Variants in MIPEP observed in about 807,000 individuals in gnomAD.
The protein encoded by MIPEP is mitochondrial intermediate peptidase.
Under a neutral mutation model 90.3 loss-of-function variants are expected in MIPEP, and 79 were observed. That is an observed-to-expected ratio of 0.87 (90% confidence interval 0.73 to 1.05). MIPEP has a LOEUF of 1.05. Ranked by LOEUF, MIPEP falls within the 50% of genes least tolerant of loss-of-function variation. The pLI is 0.00. For synonymous variants in MIPEP, 334 were observed against 315.8 expected (o/e 1.06, Z -0.61); for missense variants, 940 against 905.6 (o/e 1.04, Z -0.49).
intron 18 of MIPEP, among the ~76,000 whole-genome samples, chr13:23,752,916 A>G (rs1952455990): frequency 6.6e-6 from 1 of 152,188 alleles, no homozygotes; most frequent in Admixed American, 6.5e-5. Flanking sequence ...GATTAAAAAA[A>G]GGAGAAGCAG....
At chr13:23,735,311 T>C (rs7996190) in intron 18 of MIPEP, among the ~76,000 whole-genome samples, 151,240 of 152,274 alleles carry the variant, frequency 0.99, 75,126 homozygotes, top group Middle Eastern at 1. Flanking sequence ...CTTCTTCCTT[T>C]TCCCTTCCCT....
In MIPEP at chr13:23,809,912, T is replaced by A. The variant is rs930459228; in HGVS notation, c.1666A>T (p.Asn556Tyr). The A allele has an allele frequency of 3.3e-5, 54 of 1,613,116 alleles. No individual in the cohort carries two copies. Among genetic ancestry groups the A allele is most frequent in the Non-Finnish European group, 4.4e-5 (52 of 1,179,396 alleles). Residue 556 changes from asparagine (N) to tyrosine (Y), a missense_variant, in exon 15 of 19, where the codon AAT (asparagine) becomes TAT (tyrosine). Asn to Tyr is a moderately radical substitution (Grantham distance 143). Transcript: ENST00000382172. The part of the protein sequence containing the change: ...HYQTGQPLPK[N>Y]MVSRLCESKK... The stretch of plus-strand genomic sequence containing the variant: ...GATTCACAAAGACGAGACACCATAT[T>A]TTTTGGCAGTGGCTTGATAAAACAA...
chr13:23,860,273 C>T (rs1188399056), intron 9 of MIPEP, among the ~76,000 whole-genome samples: 4 of 152,106 alleles, frequency 2.6e-5, no homozygotes, highest in Admixed American at 6.5e-5. Flanking sequence ...AGCAGTTAAT[C>T]CAGATGAGAA....
intron 5 of MIPEP, among the ~76,000 whole-genome samples, chr13:23,873,787 T>C (rs1408735696): frequency 2.0e-5 from 3 of 152,108 alleles, no homozygotes; most frequent in Non-Finnish European, 4.4e-5. Flanking sequence ...TAATGAAGAA[T>C]TGATGTGGAA....
chr13:23,747,659 A>T (rs535833821), intron 18 of MIPEP: 1 of 409,950 alleles, frequency 2.4e-6, no homozygotes, highest in African/African-American at 2.1e-5. Context: ...AGCCTGTAAA[A>T]TATCCAAAAA....
intron 16 of MIPEP, among the ~76,000 whole-genome samples, chr13:23,794,068 GC>G (rs1284159038): frequency 2.0e-5 from 3 of 152,146 alleles, no homozygotes; most frequent in African/African-American, 7.2e-5. Flanking sequence ...TTCCTAGGAC[GC>G]TCATTAGGGG....
intron 18 of MIPEP, among the ~76,000 whole-genome samples, chr13:23,747,283 T>C (rs942585689): frequency 6.6e-6 from 1 of 152,220 alleles, no homozygotes; most frequent in African/African-American, 2.4e-5. Flanking sequence ...CCTTCCTGCA[T>C]GCTGCTTAAA....
At chr13:23,827,106 A>C (rs1365593400) in intron 14 of MIPEP, among the ~76,000 whole-genome samples, 1 of 152,230 alleles carries the variant, frequency 6.6e-6, no homozygotes, top group Non-Finnish European at 1.5e-5. Flanking sequence ...TGAGCATCCA[A>C]GGATTTTGGT....
At chr13:23,732,131 G>A (rs1370065432) in intron 18 of MIPEP, among the ~76,000 whole-genome samples, 1 of 151,858 alleles carries the variant, frequency 6.6e-6, no homozygotes, top group African/African-American at 2.4e-5. Context: ...TGGAACCACA[G>A]GTGTGTGCCA....
intron 18 of MIPEP, among the ~76,000 whole-genome samples, chr13:23,736,282 T>C (rs1026995188): frequency 6.6e-6 from 1 of 152,112 alleles, no homozygotes; most frequent in Non-Finnish European, 1.5e-5. Flanking sequence ...AAAGACAAAA[T>C]TGCATCAGGA....
chr13:23,752,909 T>TA (rs1245683447), intron 18 of MIPEP, among the ~76,000 whole-genome samples: 2 of 151,870 alleles, frequency 1.3e-5, no homozygotes, highest in East Asian at 3.9e-4. Context: ...CTTCAGAGAT[T>TA]AAAAAAAGGA....
chr13:23,836,118 A>G, intron 14 of MIPEP, 122 bp downstream of exon 14: 1 of 563,886 alleles, frequency 1.8e-6, no homozygotes, highest in Non-Finnish European at 3.1e-6. Context: ...AAGAAGCAAT[A>G]AAAGGTTTGT....
intron 1 of MIPEP, among the ~76,000 whole-genome samples, chr13:23,887,055 C>T (rs1279881720): frequency 6.6e-6 from 1 of 152,060 alleles, no homozygotes; most frequent in South Asian, 2.1e-4. Context: ...GGTGAGATCT[C>T]AGTACATAGT....
At chr13:23,885,008 T>C (rs1428170388) in intron 2 of MIPEP, among the ~76,000 whole-genome samples, 1 of 152,226 alleles carries the variant, frequency 6.6e-6, no homozygotes, top group African/African-American at 2.4e-5. Flanking sequence ...CTTCCATGTT[T>C]GCTGCAGCTC....
At position 23,839,744 on chromosome 13, in the gene MIPEP, A is replaced by C. The variant is rs751131032; in HGVS notation, c.1261-18T>G. The C allele has an allele frequency of 6.3e-7, 1 of 1,592,662 alleles. No homozygotes were observed. The highest frequency in any genetic ancestry group is 1.3e-5 in the African/African-American group (1 of 74,202). On this transcript the variant is annotated intron_variant, in intron 11 of 18. Transcript: ENST00000382172. ...ACAACAGCCTAGAAAAAAAAATTTA[A>C]ATTTGGTGGTAAATGAGGCCATCTG...
intron 16 of MIPEP, among the ~76,000 whole-genome samples, chr13:23,786,417 T>A (rs961298557): frequency 6.6e-6 from 1 of 152,150 alleles, no homozygotes; most frequent in Non-Finnish European, 1.5e-5. Flanking sequence ...GTCTAATAGA[T>A]TTAATTAAAG....
At chr13:23,835,111 C>G (rs1868976840) in intron 14 of MIPEP, among the ~76,000 whole-genome samples, 1 of 151,524 alleles carries the variant, frequency 6.6e-6, no homozygotes, top group Non-Finnish European at 1.5e-5. Context: ...ACCTCTGCCT[C>G]CCAGGTTCAA....
chr13:23,739,659 C>T (rs893341494), intron 18 of MIPEP, among the ~76,000 whole-genome samples: 1 of 152,134 alleles, frequency 6.6e-6, no homozygotes, highest in Non-Finnish European at 1.5e-5. Flanking sequence ...GTCTGACTCC[C>T]CATAGGCATG....
At chr13:23,741,664 T>C (rs1460450644) in intron 18 of MIPEP, among the ~76,000 whole-genome samples, 2 of 150,572 alleles carry the variant, frequency 1.3e-5, no homozygotes, top group East Asian at 2.0e-4. Flanking sequence ...CTGACGCCTA[T>C]GTGAGTGTGG....
Sources: gnomAD v4.1 joint callset for allele counts (sites outside exome capture counted in the v4.1 genomes callset) on GRCh38, gnomAD v4.1.1 for gene constraint, MANE v1.5 for transcripts, NCBI Gene and HGNC (gene_info 2026-07-23, HGNC 2026-07-21) for gene names.